APEH: variants seen among roughly 807,000 people sequenced by gnomAD.
The protein encoded by APEH is acylamino-acid-releasing enzyme.
APEH carries 75 observed loss-of-function variants against 102.7 expected under a neutral mutation model. The ratio of observed to expected loss-of-function variants is 0.73; its 90% confidence interval spans 0.61 to 0.89. The LOEUF (loss-of-function observed/expected upper bound fraction) is 0.89. Ranked by LOEUF, APEH falls within the 40% of genes least tolerant of loss-of-function variation. The probability of loss-of-function intolerance (pLI) is 0.00; values close to 1 mark genes in which losing one functional copy is unlikely to be tolerated. For missense variants in APEH, 863 were observed against 941.2 expected (o/e 0.92, Z 1.09); for synonymous variants, 344 against 362.7 (o/e 0.95, Z 0.59).
At chr3:49,681,611 C>T (rs541050852) in intron 15 of APEH, 111 bp from the exon 16 acceptor site, 2 of 1,014,298 alleles carry the variant, frequency 2.0e-6, no homozygotes, top group South Asian at 1.7e-5. Context: ...TGTGGACTAC[C>T]TTGGCCAGGT....
At position 49,674,414 on chromosome 3, in the gene APEH, GT is replaced by G; in HGVS notation, c.12+2del. On this transcript the variant is annotated splice_donor_variant, in intron 1 of 21. Coordinates refer to ENST00000296456, the MANE Select transcript of APEH (RefSeq NM_001640.4). LOFTEE classifies it high-confidence loss of function. ...CAGAGAGGAGACTATGGAACGTCAGGTGAGGGCTCGGCCCGCGGTCCCCGTG... is the reference window on the plus strand; with the variant it reads ...CAGAGAGGAGACTATGGAACGTCAGGGAGGGCTCGGCCCGCGGTCCCCGTG... 1 of 1,575,444 alleles carries G rather than the reference GT, an allele frequency of 6.3e-7. No homozygotes were observed.
Position 49,679,175 on chromosome 3 carries a change from C to T in APEH, c.1158+226C>T, listed in dbSNP as rs184948775. 7.9e-5 allele frequency among the ~76,000 whole-genome samples: 12 copies of T among 152,318 alleles called. No homozygotes were observed. In the East Asian group the frequency reaches 1.7e-3, roughly 22 times the overall value. ...TTCGTCTGAGGCAGAGATGCAACCC[C>T]TCCCAGGCATTTCTAGCTGGGGGTC... On this transcript the variant is annotated intron_variant, in intron 12 of 21. Coordinates refer to ENST00000296456, the MANE Select transcript of APEH (RefSeq NM_001640.4). This position sits in a 1 kb window ranked among gnomAD's most constrained non-coding sequence, Gnocchi z 4.3.
Position 49,676,810 on chromosome 3 carries a change from G to A in APEH, c.870G>A (p.Gly290=), listed in dbSNP as rs766015468. 1 of 1,614,270 alleles carries A rather than the reference G, an allele frequency of 6.2e-7. No homozygotes were observed. Among genetic ancestry groups the A allele is most frequent in the Non-Finnish European group, 8.5e-7 (1 of 1,180,046 alleles). ...SALYYVDLIG[G]KCELLSDDSL... ...TGTATTATGTGGACCTCATCGGGGGGAAGTGTGGTAAGTGGCTGATGCCCA... is the reference window on the plus strand; with the variant it reads ...TGTATTATGTGGACCTCATCGGGGGAAAGTGTGGTAAGTGGCTGATGCCCA... The change falls in exon 9 of 22, where the codon GGG becomes GGA. Residue 290 remains glycine (G), a synonymous_variant. Transcript: ENST00000296456.
rs746217177 is a variant in APEH, at chr3:49,675,303, G to T, written c.266G>T (p.Arg89Leu). The T allele has an allele frequency of 6.2e-7, 1 of 1,613,294 alleles. No homozygotes were observed. Among genetic ancestry groups the T allele is most frequent in the Admixed American group, 1.7e-5 (1 of 59,942 alleles). The part of the protein sequence containing the change: ...AGPAGNSVET[R>L]GELLSRESPS... Reference sequence around the variant, plus strand: ...CCTGCAGGCAACAGTGTGGAGACCCGGGGGGAGTAAGTTTGAGGGAGGAAG... The same window carrying T: ...CCTGCAGGCAACAGTGTGGAGACCCTGGGGGAGTAAGTTTGAGGGAGGAAG... The change falls in exon 3 of 22, where the codon CGG (arginine) becomes CTG (leucine). Residue 89 changes from arginine (R) to leucine (L), a missense_variant. Transcript: ENST00000296456.
rs1242243180 is a variant in APEH, at chr3:49,679,137, G to C, written c.1158+188G>C. ...CTGGCTGCCCTGGTGCACCACAGCA[G>C]AACTCAGGCCTTTTCGTCTGAGGCA... On this transcript the variant is annotated intron_variant, in intron 12 of 21. Transcript: ENST00000296456. This position sits in a 1 kb window ranked among gnomAD's most constrained non-coding sequence, Gnocchi z 4.3. Among the ~76,000 whole-genome samples, 1 of 152,164 alleles carries C rather than the reference G, an allele frequency of 6.6e-6. No individual in the cohort carries two copies. Among genetic ancestry groups the C allele is most frequent in the Non-Finnish European group, 1.5e-5 (1 of 68,024 alleles).
rs772866835 is a variant in APEH, at chr3:49,683,082, C to T, written c.2029C>T (p.Arg677Cys). 1.9e-6 allele frequency: 3 copies of T among 1,613,946 alleles called. No homozygotes were observed. Among genetic ancestry groups the T allele is most frequent in the Non-Finnish European group, 2.5e-6 (3 of 1,180,040 alleles). The change falls in exon 21 of 22, where the codon CGT becomes TGT. Residue 677 changes from arginine to cysteine, a missense_variant. Coordinates refer to ENST00000296456, the MANE Select transcript of APEH (RefSeq NM_001640.4). ...ACTGATGTTGGGCCAGGAGGACCGG[C>T]GTGTGCCCTTCAAGCAGGGCATGGA... ...LLLMLGQEDR[R>C]VPFKQGMEYY... is the part of the protein sequence containing the mutation.
chr3:49,682,085 C>A, intron 17 of APEH, 118 bp downstream of exon 17: 1 of 1,183,678 alleles, frequency 8.4e-7, no homozygotes, highest in Non-Finnish European at 1.2e-6. Context: ...CTAGCCTAGA[C>A]CTAGTAACCA....
chr3:49,673,635 G>A (rs554432388), upstream of APEH, among the ~76,000 whole-genome samples: 83 of 151,978 alleles, frequency 5.5e-4, no homozygotes, highest in Non-Finnish European at 9.9e-4. Context: ...CCTCCGCCCG[G>A]ACCCTGGCCC....
At chr3:49,681,036 G>A (rs1368291734) in intron 14 of APEH, 65 bp from the exon 15 acceptor site, 3 of 1,504,658 alleles carry the variant, frequency 2.0e-6, no homozygotes, top group Middle Eastern at 1.8e-4. Flanking sequence ...ATTTCCCACT[G>A]TGGGCAGAAG....
chr3:49,676,125 C>T lies in APEH; in HGVS notation c.512C>T (p.Pro171Leu), dbSNP rs1378674996. 8 of 1,614,096 alleles carry T rather than the reference C, an allele frequency of 5.0e-6. No homozygotes were observed. Among genetic ancestry groups the T allele is most frequent in the Non-Finnish European group, 6.8e-6 (8 of 1,180,046 alleles). ...TTGTATGTGGCAGAGAAGAAGCGCC[C>T]CAAGGCCGAGTCCTTCTTTCAGACC... ...HLLYVAEKKRPKAESFFQTKA... is the reference protein window; with the variant it reads ...HLLYVAEKKRLKAESFFQTKA... The change falls in exon 6 of 22, where the codon CCC becomes CTC. Residue 171 changes from proline (P) to leucine (L), a missense_variant. Coordinates refer to ENST00000296456, the MANE Select transcript of APEH (RefSeq NM_001640.4).
Position 49,676,929 on chromosome 3 carries a change from G to C in APEH, c.904G>C (p.Val302Leu). Residue 302 changes from valine to leucine, a missense_variant, in exon 10 of 22, where the codon GTC becomes CTC. Physicochemically the swap from Val to Leu is conservative, Grantham distance 32 (BLOSUM62 1). Transcript: ENST00000296456. Reference sequence around the variant, plus strand: ...GCTCCTCTCGGATGACTCCCTGGCTGTCTCTTCTCCCCGGCTGAGCCCAGA... The same window carrying C: ...GCTCCTCTCGGATGACTCCCTGGCTCTCTCTTCTCCCCGGCTGAGCCCAGA... ...CELLSDDSLA[V>L]SSPRLSPDQC... is the part of the protein sequence containing the mutation. 6.2e-7 allele frequency: 1 copy of C among 1,614,220 alleles called. No individual in the cohort carries two copies. The highest frequency in any genetic ancestry group is 1.1e-5 in the South Asian group (1 of 91,088).
rs1435261411 is a variant in APEH at position 49,679,886 on chromosome 3, TC to T, written c.1210+244del. On this transcript the variant is annotated intron_variant, in intron 13 of 21. Transcript: ENST00000296456. The surrounding 1 kb of genome is among the most constrained non-coding windows in gnomAD (Gnocchi z 4.3). ...TTAGCACTCAACTCTGTTCCATGTG[TC>T]CTGGCCCAGCCTCAGCACGGCCCCC... is the stretch of plus-strand genomic sequence containing the variant. The T allele has an allele frequency of 1.5e-5, 7 of 463,252 alleles. No homozygotes were observed. The highest frequency in any genetic ancestry group is 2.8e-5 in the Non-Finnish European group (7 of 249,180). 28.7% of individuals were successfully genotyped at this position (463,252 alleles called of 1,614,324 possible).
chr3:49,676,505 C>G lies in APEH; in HGVS notation c.734C>G (p.Ser245Cys). The G allele has an allele frequency of 1.9e-6, 3 of 1,614,244 alleles. No individual in the cohort carries two copies. Among genetic ancestry groups the G allele is most frequent in the South Asian group, 1.1e-5 (1 of 91,088 alleles). The change falls in exon 7 of 22, where the codon TCC becomes TGC. Residue 245 changes from serine (S) to cysteine (C), a missense_variant. Transcript: ENST00000296456. ...SVLEGVPENV[S>C]PGQAFWAPGD... Reference sequence around the variant, plus strand: ...CTTGAGGGGGTCCCTGAGAATGTGTCCCCTGGACAGGTCAGCAGCAACAGC... The same window carrying G: ...CTTGAGGGGGTCCCTGAGAATGTGTGCCCTGGACAGGTCAGCAGCAACAGC...
At position 49,679,519 on chromosome 3, in the gene APEH, G is replaced by C; in HGVS notation, c.1159-74G>C. 2.7e-6 allele frequency: 4 copies of C among 1,502,306 alleles called. No individual in the cohort carries two copies. Among genetic ancestry groups the C allele is most frequent in the Non-Finnish European group, 3.7e-6 (4 of 1,080,698 alleles). The allele number at this position is 1,502,306 out of a possible 1,614,324, so 93.1% of individuals were successfully genotyped here. A position where few individuals can be genotyped will look rare whatever the true frequency, so the allele number is the denominator to read the frequency against. ...GGGCTCTCCAAGAGGGTAGAGAGGA[G>C]GTAGGGGAGGGACCCATAGGTAGAG... On this transcript the variant is annotated intron_variant, in intron 12 of 21. Coordinates refer to ENST00000296456, the MANE Select transcript of APEH (RefSeq NM_001640.4). This position sits in a 1 kb window ranked among gnomAD's most constrained non-coding sequence, Gnocchi z 4.3.
At chr3:49,673,940 C>A, upstream of APEH, 1 of 199,660 alleles carries the variant, frequency 5.0e-6, no homozygotes, top group Non-Finnish European at 1.0e-5. Context: ...CCCTCGGGCC[C>A]CGCCCTTCGC....
Position 49,674,393 on chromosome 3 carries a change from G to T in APEH, c.-9G>T. 1 of 1,574,906 alleles carries T rather than the reference G, an allele frequency of 6.3e-7. No homozygotes were observed. The highest frequency in any genetic ancestry group is 8.6e-7 in the Non-Finnish European group (1 of 1,166,978). ...CGCCCCGCCTCGCCCCGGCGGCAGAGAGGAGACTATGGAACGTCAGGTGAG... is the reference window on the plus strand; with the variant it reads ...CGCCCCGCCTCGCCCCGGCGGCAGATAGGAGACTATGGAACGTCAGGTGAG... On this transcript the variant is annotated 5_prime_UTR_variant, in exon 1 of 22. Transcript: ENST00000296456.
chr3:49,682,084 A>G, intron 17 of APEH, 117 bp downstream of exon 17: 2 of 1,182,980 alleles, frequency 1.7e-6, no homozygotes, highest in Non-Finnish European at 2.5e-6. Flanking sequence ...TCTAGCCTAG[A>G]CCTAGTAACC....
At position 49,674,360 on chromosome 3, in the gene APEH, C is replaced by T. The variant is rs1190540941; in HGVS notation, c.-42C>T. The T allele has an allele frequency of 8.4e-6, 13 of 1,543,970 alleles. No homozygotes were observed. The highest frequency in any genetic ancestry group is 1.4e-5 in the African/African-American group (1 of 73,258). On this transcript the variant is annotated 5_prime_UTR_variant, in exon 1 of 22. Transcript: ENST00000296456. ...CGCCCCCGGAAGCCTCACTTCCGGGCGCGAGCACGCCCCGCCTCGCCCCGG... is the reference window on the plus strand; with the variant it reads ...CGCCCCCGGAAGCCTCACTTCCGGGTGCGAGCACGCCCCGCCTCGCCCCGG...
At position 49,682,411 on chromosome 3, in the gene APEH, G is replaced by A; in HGVS notation, c.1667G>A (p.Gly556Asp). The stretch of plus-strand genomic sequence containing the variant: ...ATCCTCTCCCTCCCAGGCAATGTGG[G>A]CCACCAGGATGTGAAGGATGTCCAG... ...DSILSLPGNVGHQDVKDVQFA... is the reference protein window; with the variant it reads ...DSILSLPGNVDHQDVKDVQFA... The change falls in exon 18 of 22, where the codon GGC (glycine) becomes GAC (aspartate). Residue 556 changes from glycine to aspartate, a missense_variant. By Grantham distance (94) the Gly-to-Asp change is moderately conservative. Coordinates refer to ENST00000296456, the MANE Select transcript of APEH (RefSeq NM_001640.4). 1 of 1,614,064 alleles carries A rather than the reference G, an allele frequency of 6.2e-7. No individual in the cohort carries two copies. Among genetic ancestry groups the A allele is most frequent in the Non-Finnish European group, 8.5e-7 (1 of 1,179,966 alleles).
Sources: gnomAD v4.1 joint callset for allele counts (sites outside exome capture counted in the v4.1 genomes callset) on GRCh38, gnomAD v4.1.1 for gene constraint, Gnocchi (gnomAD v3.1) non-coding constraint, MANE v1.5 for transcripts, NCBI Gene and HGNC (gene_info 2026-07-23, HGNC 2026-07-21) for gene names.